Variants in TRABD2B observed in about 807,000 individuals in gnomAD.
TRABD2B encodes TraB domain containing 2B.
TRABD2B carries 14 observed loss-of-function variants against 40.1 expected under a neutral mutation model. The ratio of observed to expected loss-of-function variants is 0.35; its 90% CI spans 0.23 to 0.55. The LOEUF (loss-of-function observed/expected upper bound fraction) is 0.55. Among genes scored for constraint, TRABD2B ranks in the 20% least tolerant of loss-of-function variants. The pLI is 0.90. For missense variants in TRABD2B, 541 were observed against 648.6 expected (o/e 0.83, Z 1.80); for synonymous variants, 263 against 277.0 (o/e 0.95, Z 0.50).
chr1:47,982,743 G>C (rs1645857989), intron 2 of TRABD2B, among the ~76,000 whole-genome samples: 1 of 152,162 alleles, frequency 6.6e-6, no homozygotes. Context: ...GTGTAGAAAG[G>C]CTTGTTCTGC....
At chr1:47,801,647 G>C (rs1430725714) in intron 2 of TRABD2B, 28 bp from the exon 3 acceptor site, 4 of 1,532,862 alleles carry the variant, frequency 2.6e-6, no homozygotes, top group South Asian at 1.2e-5. Flanking sequence ...AGAGGAATGA[G>C]GGCTGTGCTC....
Position 47,994,178 on chromosome 1 carries a change from T to C in TRABD2B, c.522A>G (p.Thr174=). Residue 174 remains threonine (T), a synonymous_variant, in exon 2 of 7, where the codon ACA becomes ACG. Coordinates refer to ENST00000606738, the MANE Select transcript of TRABD2B (RefSeq NM_001194986.2). The surrounding 1 kb of genome is among the most constrained non-coding windows in gnomAD (Gnocchi z 6.7). ...VWVMLMVNSL[T]ERDVRFRGVP... ...CACCACGGAAGCGCACGTCCCTCTCTGTGAGCGAGTTTACCATGAGCATCA... is the reference window on the plus strand; with the variant it reads ...CACCACGGAAGCGCACGTCCCTCTCCGTGAGCGAGTTTACCATGAGCATCA... The C allele has an allele frequency of 6.5e-7, 1 of 1,539,182 alleles. No homozygotes were observed. The highest frequency in any genetic ancestry group is 1.2e-5 in the South Asian group (1 of 84,142).
rs1443724139 is a variant in TRABD2B, at chr1:47,994,512, C to T, written c.188G>A (p.Arg63His). Residue 63 changes from arginine (R) to histidine (H), a missense_variant, in exon 2 of 7, where the codon CGC (arginine) becomes CAC (histidine). By Grantham distance (29) the Arg-to-His change is conservative. This residue lies in a region of TRABD2B where 369 missense variants were observed against 492.8 expected (regional missense o/e 0.75). Coordinates refer to ENST00000606738, the MANE Select transcript of TRABD2B (RefSeq NM_001194986.2). This position sits in a 1 kb window ranked among gnomAD's most constrained non-coding sequence, Gnocchi z 6.7. ...LFGTIHVPYTRVWDFIPDNSK... is the reference protein window; with the variant it reads ...LFGTIHVPYTHVWDFIPDNSK... ...GTTGTCCGGGATGAAGTCCCAGACG[C>T]GGGTGTAGGGGACGTGAATAGTGCC... 1.4e-5 allele frequency: 22 copies of T among 1,536,120 alleles called. No individual in the cohort carries two copies. The highest frequency in any genetic ancestry group is 1.8e-5 in the Non-Finnish European group (21 of 1,146,910).
chr1:47,901,193 C>T (rs1644595252), intron 2 of TRABD2B, among the ~76,000 whole-genome samples: 1 of 152,226 alleles, frequency 6.6e-6, no homozygotes, highest in African/African-American at 2.4e-5. Flanking sequence ...GGCAGATGGC[C>T]TGGCCTTCTG....
chr1:47,960,655 G>C (rs1645499184), intron 2 of TRABD2B, among the ~76,000 whole-genome samples: 3 of 152,030 alleles, frequency 2.0e-5, no homozygotes, highest in Non-Finnish European at 4.4e-5. Flanking sequence ...AACTTAAAAG[G>C]GATGTGAAGG....
rs112808390 is a variant in TRABD2B, at chr1:47,792,149, G to C, written c.988+2437C>G. 1.0e-3 allele frequency among the ~76,000 whole-genome samples: 155 copies of C among 152,350 alleles called. 4 individuals are homozygous for C. The highest frequency in any genetic ancestry group is 3.4e-3 in the Middle Eastern group (1 of 294). On this transcript the variant is annotated intron_variant, in intron 4 of 6. Transcript: ENST00000606738. ...TGGCTCCAGATCTGTTGTTTTTGGA[G>C]AGTGGATTCATGAGAGCGGAGGTGA...
chr1:47,974,989 A>G (rs1264473343), intron 2 of TRABD2B, among the ~76,000 whole-genome samples: 1 of 152,248 alleles, frequency 6.6e-6, no homozygotes, highest in Non-Finnish European at 1.5e-5. Flanking sequence ...TGCTCTTCAA[A>G]ACTGTCAAGG....
intron 2 of TRABD2B, among the ~76,000 whole-genome samples, chr1:47,916,463 G>C (rs1644831471): frequency 6.6e-6 from 1 of 152,230 alleles, no homozygotes; most frequent in Non-Finnish European, 1.5e-5. Context: ...CAGAGGGCTG[G>C]GTGAGGCATG....
intron 2 of TRABD2B, among the ~76,000 whole-genome samples, chr1:47,860,083 G>T (rs1324522407): frequency 1.3e-5 from 2 of 152,186 alleles, no homozygotes; most frequent in African/African-American, 4.8e-5. Context: ...CCAGGGCTGT[G>T]ATGGCGGACA....
At chr1:47,965,194 C>CG (rs1302775462) in intron 2 of TRABD2B, among the ~76,000 whole-genome samples, 3 of 11,662 alleles carry the variant, frequency 2.6e-4, no homozygotes, top group Non-Finnish European at 5.1e-4. Context: ...TCAGATTTGG[C>CG]GGGGGGCGGG....
At chr1:47,912,492 G>A (rs1365113790) in intron 2 of TRABD2B, among the ~76,000 whole-genome samples, 1 of 152,132 alleles carries the variant, frequency 6.6e-6, no homozygotes, top group Admixed American at 6.5e-5. Context: ...TTGGGACCTT[G>A]GCCTTTCTGG....
chr1:47,863,780 A>T lies in TRABD2B; in HGVS notation c.667-62161T>A, dbSNP rs557666482. On this transcript the variant is annotated intron_variant, in intron 2 of 6. Coordinates refer to ENST00000606738, the MANE Select transcript of TRABD2B (RefSeq NM_001194986.2). ...CAAAAATTTGAAAACTTATGTCCAT[A>T]CAAAAACCTGTACACAGACATTTAT... Among the ~76,000 whole-genome samples the T allele has an allele frequency of 1.1e-4, 16 of 152,322 alleles. 1 individual carries two copies. The South Asian group carries it at 3.3e-3, about 32-fold the overall frequency.
rs537968597 is a variant in TRABD2B, at chr1:47,940,837, C to T, written c.666+53197G>A. 7.4e-4 allele frequency among the ~76,000 whole-genome samples: 112 copies of T among 152,344 alleles called. 2 individuals are homozygous for T. In the South Asian group the frequency reaches 0.021, roughly 29 times the overall value. ...GTGTGGGGGAATCTCGAGAGCATGG[C>T]AGTCCAGGAATCCGGAGGGGAAAAT... is the stretch of plus-strand genomic sequence containing the variant. On this transcript the variant is annotated intron_variant, in intron 2 of 6. Coordinates refer to ENST00000606738, the MANE Select transcript of TRABD2B (RefSeq NM_001194986.2).
intron 2 of TRABD2B, among the ~76,000 whole-genome samples, chr1:47,855,216 T>C (rs1643879285): frequency 6.6e-6 from 1 of 152,244 alleles, no homozygotes; most frequent in Admixed American, 6.5e-5. Flanking sequence ...CACACATTGA[T>C]CTTCCAATAT....
In TRABD2B at chr1:47,861,074, G is replaced by A. The variant is rs74073663; in HGVS notation, c.667-59455C>T. On this transcript the variant is annotated intron_variant, in intron 2 of 6. Transcript: ENST00000606738. ...AATTCTCTTGTGCTACAGGGGAGGA[G>A]ATGAAAACCAGAGATGTTTACTGGT... 6.5e-3 allele frequency among the ~76,000 whole-genome samples: 994 copies of A among 152,318 alleles called. 6 individuals carry two copies. The highest frequency in any genetic ancestry group is 0.023 in the African/African-American group (947 of 41,566).
At chr1:47,951,227 G>A (rs547796743) in intron 2 of TRABD2B, among the ~76,000 whole-genome samples, 5 of 152,306 alleles carry the variant, frequency 3.3e-5, no homozygotes, top group Admixed American at 3.3e-4. Flanking sequence ...CGAGTCATCG[G>A]GCACATGGAG....
intron 6 of TRABD2B, among the ~76,000 whole-genome samples, chr1:47,773,919 G>T (rs4927050): frequency 0.66 from 100,148 of 152,056 alleles, 33,708 homozygotes; most frequent in East Asian, 0.98. Context: ...CTGGACCATG[G>T]CAACATTTTG....
rs527391820 is a variant in TRABD2B at position 47,831,333 on chromosome 1, G to A, written c.667-29714C>T. On this transcript the variant is annotated intron_variant, in intron 2 of 6. Coordinates refer to ENST00000606738, the MANE Select transcript of TRABD2B (RefSeq NM_001194986.2). ...ACTGCATGGAGTTTAAAAGGTCAGC[G>A]TGAATAACAAAAACAGACTTTCTGG... Among the ~76,000 whole-genome samples, 69 of 152,290 alleles carry A rather than the reference G, an allele frequency of 4.5e-4. 1 individual carries two copies. The South Asian group carries it at 0.012, about 26-fold the overall frequency.
At chr1:47,869,749 G>A (rs546533513) in intron 2 of TRABD2B, among the ~76,000 whole-genome samples, 1 of 152,340 alleles carries the variant, frequency 6.6e-6, no homozygotes, top group East Asian at 1.9e-4. Context: ...TTGAGCACAG[G>A]AGAGCTGAAT....
Sources: allele counts gnomAD v4.1 joint callset (sites outside exome capture counted in the v4.1 genomes callset), GRCh38; gene constraint gnomAD v4.1.1; regional missense constraint gnomAD v4.1.1; non-coding constraint Gnocchi (gnomAD v3.1); transcripts MANE v1.5; gene names NCBI Gene and HGNC (gene_info 2026-07-23, HGNC 2026-07-21).